The following OSGEPL1 variants were observed in gnomAD, a reference collection of about 807,000 sequenced individuals.
OSGEPL1 encodes the protein tRNA N6-adenosine threonylcarbamoyltransferase, mitochondrial.
Under a neutral mutation model 37.2 loss-of-function variants are expected in OSGEPL1, and 26 were observed. The observed-to-expected ratio is 0.70, with a 90% confidence interval of 0.51 to 0.97. OSGEPL1 has a LOEUF of 0.97. OSGEPL1 is among the 50% of genes least tolerant of loss of function. OSGEPL1 has a pLI of 0.00. For missense variants in OSGEPL1, 404 were observed against 487.0 expected (o/e 0.83, Z 1.60); for synonymous variants, 140 against 159.9 (o/e 0.88, Z 0.94).
intron 8 of OSGEPL1, among the ~76,000 whole-genome samples, chr2:189,749,244 TAAAAAAAA>T (rs397987026): frequency 4.7e-5 from 3 of 63,266 alleles, no homozygotes; most frequent in African/African-American, 1.9e-4. Context: ...AGACTCTGTC[TAAAAAAAA>T]AAAAAAAAAA....
At chr2:189,747,762 G>A (rs923188598) in intron 8 of OSGEPL1, among the ~76,000 whole-genome samples, 1 of 151,998 alleles carries the variant, frequency 6.6e-6, no homozygotes, top group African/African-American at 2.4e-5. Flanking sequence ...GCAGGATCTT[G>A]GCTCACTCCG....
intron 7 of OSGEPL1, among the ~76,000 whole-genome samples, chr2:189,752,028 C>T (rs965708762): frequency 1.1e-4 from 17 of 151,530 alleles, no homozygotes; most frequent in African/African-American, 3.2e-4. Context: ...CCTGTAATTC[C>T]AGCTACTCAG....
rs1444761202 is a variant in OSGEPL1 at position 189,752,970 on chromosome 2, C to A, written c.973G>T (p.Gly325Cys). ...ATATAGAAGTTACTTGCGACACCAC[C>A]AGATGCAACCTGAAGGAATTGAGAA... Reference protein sequence around the residue: ...PQNNAVLVASGGVASNFYIRR... With the variant: ...PQNNAVLVASCGVASNFYIRR... Residue 325 changes from glycine (G) to cysteine (C), a missense_variant, in exon 6 of 9, where the codon GGT becomes TGT. Gly to Cys is a radical substitution (Grantham distance 159). Transcript: ENST00000264151. The A allele has an allele frequency of 6.2e-7, 1 of 1,610,002 alleles. No homozygotes were observed. Among genetic ancestry groups the A allele is most frequent in the Non-Finnish European group, 8.5e-7 (1 of 1,178,590 alleles).
chr2:189,759,274 ACT>A, intron 2 of OSGEPL1, among the ~76,000 whole-genome samples: 1 of 149,700 alleles, frequency 6.7e-6, no homozygotes, highest in Admixed American at 6.6e-5. Context: ...TTTGAGACAG[ACT>A]CTCACTCTGT....
intron 8 of OSGEPL1, among the ~76,000 whole-genome samples, chr2:189,749,960 A>G (rs934223281): frequency 5.3e-5 from 8 of 151,970 alleles, no homozygotes; most frequent in Non-Finnish European, 4.4e-5. Context: ...CATCTCTACT[A>G]AAAAAACAAA....
intron 7 of OSGEPL1, 136 bp from the exon 8 acceptor site, chr2:189,750,792 TA>T (rs1367176088): frequency 3.5e-6 from 2 of 565,176 alleles, no homozygotes; most frequent in Non-Finnish European, 5.9e-6. Context: ...GATTCTTAAA[TA>T]CTTACAAATA....
chr2:189,756,753 C>CA (rs1188191428), intron 2 of OSGEPL1, among the ~76,000 whole-genome samples: 3 of 152,182 alleles, frequency 2.0e-5, no homozygotes, highest in Non-Finnish European at 4.4e-5. Flanking sequence ...CAAAAGCCCT[C>CA]ATCTCAGTCT....
intron 8 of OSGEPL1, 135 bp downstream of exon 8, chr2:189,750,412 CATT>C (rs1302184004): frequency 2.9e-5 from 14 of 480,466 alleles, no homozygotes; most frequent in Non-Finnish European, 4.0e-5. Context: ...ACTTTTAACA[CATT>C]ATAGTATCTC....
rs2045937916 is a variant in OSGEPL1 at position 189,755,409 on chromosome 2, C to T, written c.373G>A (p.Gly125Arg). 1.9e-6 allele frequency: 3 copies of T among 1,611,462 alleles called. No homozygotes were observed. The African/African-American group carries it at 4.0e-5, about 22-fold the overall frequency. ...TIKPGLALSL[G>R]VGLSFSLQLV... ...TGTAAGCTAAATGATAAGCCCACTC[C>T]CAGGCTTAAAGCAAGTCCTGGTTTT... Residue 125 changes from glycine to arginine, a missense_variant, in exon 3 of 9, where the codon GGA becomes AGA. Gly to Arg is a moderately radical substitution (Grantham distance 125). Coordinates refer to ENST00000264151, the MANE Select transcript of OSGEPL1 (RefSeq NM_022353.3).
chr2:189,750,588 AT>A lies in OSGEPL1; in HGVS notation c.1234del (p.Met412TrpfsTer28), dbSNP rs764136578. 1.0e-5 allele frequency: 16 copies of A among 1,575,668 alleles called. No individual in the cohort carries two copies. Among genetic ancestry groups the A allele is most frequent in the Non-Finnish European group, 1.2e-5 (14 of 1,154,992 alleles). On this transcript the variant is annotated frameshift_variant, in exon 8 of 9. Transcript: ENST00000264151. LOFTEE classifies it high-confidence loss of function. Reference protein sequence around the residue: ...EASIKVPQLKMEI With the variant: ...EASIKVPQLKXEI ...TTTGAACAGCAGAAATCATATCTCCATTTTTAATTGTGGTACTTTTATGGAA... is the reference window on the plus strand; with the variant it reads ...TTTGAACAGCAGAAATCATATCTCCATTTTAATTGTGGTACTTTTATGGAA...
chr2:189,754,099 C>A (rs759106337), intron 4 of OSGEPL1, 35 bp from the exon 5 acceptor site: 3 of 1,611,818 alleles, frequency 1.9e-6, no homozygotes, highest in Non-Finnish European at 2.5e-6. Flanking sequence ...AGGCACAATC[C>A]AGGAATATTT....
chr2:189,750,065 T>A (rs1451105927), intron 8 of OSGEPL1, among the ~76,000 whole-genome samples: 1 of 152,092 alleles, frequency 6.6e-6, no homozygotes, highest in African/African-American at 2.4e-5. Context: ...AGAGGTTGCA[T>A]GCAGTAAGCT....
chr2:189,753,175 C>T (rs2045552415), intron 5 of OSGEPL1, 196 bp from the exon 6 acceptor site: 1 of 363,688 alleles, frequency 2.7e-6, no homozygotes, highest in East Asian at 4.4e-5. Flanking sequence ...AGCATACAAA[C>T]ATTACTAGCA....
rs1191392765 is a variant in OSGEPL1 at position 189,755,452 on chromosome 2, T to C, written c.330A>G (p.Ser110=). The change falls in exon 3 of 9, where the codon TCA becomes TCG. Residue 110 remains serine, a synonymous_variant. Coordinates refer to ENST00000264151, the MANE Select transcript of OSGEPL1 (RefSeq NM_022353.3). Reference sequence around the variant, plus strand: ...CTGGTTTTATGGTAGTTGCAATTGCTGAGAGGTCACTTGGAGAGACTCCAC... The same window carrying C: ...CTGGTTTTATGGTAGTTGCAATTGCCGAGAGGTCACTTGGAGAGACTCCAC... ...SASGVSPSDL[S]AIATTIKPGL... 2 of 1,606,510 alleles carry C rather than the reference T, an allele frequency of 1.2e-6. No individual in the cohort carries two copies. Among genetic ancestry groups the C allele is most frequent in the Non-Finnish European group, 1.7e-6 (2 of 1,178,230 alleles).
chr2:189,761,429 A>C lies in OSGEPL1; in HGVS notation c.212T>G (p.Val71Gly), dbSNP rs781044698. ...GATAATGTCTACTTACTTTAAATGAACTTCAGTTTGGGAATGTATTGCTTC... is the reference window on the plus strand; with the variant it reads ...GATAATGTCTACTTACTTTAAATGACCTTCAGTTTGGGAATGTATTGCTTC... ...LGEAIHSQTE[V>G]HLKTGGIVPP... The change falls in exon 2 of 9, where the codon GTT (valine) becomes GGT (glycine). Residue 71 changes from valine to glycine, a missense_variant. By Grantham distance (109) the Val-to-Gly change is moderately radical. Transcript: ENST00000264151. 2.5e-6 allele frequency: 4 copies of C among 1,598,098 alleles called. No homozygotes were observed. Among genetic ancestry groups the C allele is most frequent in the Middle Eastern group, 1.7e-4 (1 of 5,968 alleles).
intron 2 of OSGEPL1, among the ~76,000 whole-genome samples, chr2:189,759,744 CTTAT>C (rs144508956): frequency 0.23 from 35,313 of 151,240 alleles, 4,576 homozygotes; most frequent in African/African-American, 0.35. Flanking sequence ...GTATTTTATT[CTTAT>C]TTATTTATTT....
chr2:189,755,391 T>C lies in OSGEPL1; in HGVS notation c.391A>G (p.Ser131Gly), dbSNP rs1355524722. 6.2e-7 allele frequency: 1 copy of C among 1,612,924 alleles called. No individual in the cohort carries two copies. The highest frequency in any genetic ancestry group is 8.5e-7 in the Non-Finnish European group (1 of 1,179,554). The stretch of plus-strand genomic sequence containing the variant: ...TTTAACTGTCCTACCAGCTGTAAGC[T>C]AAATGATAAGCCCACTCCCAGGCTT... ...ALSLGVGLSF[S>G]LQLVGQLKKP... Residue 131 changes from serine (S) to glycine (G), a missense_variant, in exon 3 of 9, where the codon AGC (serine) becomes GGC (glycine). Transcript: ENST00000264151.
intron 2 of OSGEPL1, among the ~76,000 whole-genome samples, chr2:189,758,490 T>A (rs1440894893): frequency 2.0e-5 from 3 of 152,186 alleles, no homozygotes. Context: ...AAAAGCTCCC[T>A]GGGCCTCCCC....
At chr2:189,758,629 A>G (rs2046460070) in intron 2 of OSGEPL1, among the ~76,000 whole-genome samples, 2 of 152,224 alleles carry the variant, frequency 1.3e-5, no homozygotes, top group Admixed American at 1.3e-4. Context: ...AACACAGGTT[A>G]TAATATTCTT....
Sources: gnomAD v4.1 joint callset for allele counts (sites outside exome capture counted in the v4.1 genomes callset) on GRCh38, gnomAD v4.1.1 for gene constraint, MANE v1.5 for transcripts, NCBI Gene and HGNC (gene_info 2026-07-23, HGNC 2026-07-21) for gene names.